The following CNTN4 variants were observed in gnomAD, a reference collection of about 807,000 sequenced individuals.
CNTN4 encodes the protein contactin-4.
Under a neutral mutation model 122.5 loss-of-function variants are expected in CNTN4, and 77 were observed. The ratio of observed to expected loss-of-function variants is 0.63; its 90% CI spans 0.52 to 0.76. The LOEUF (loss-of-function observed/expected upper bound fraction) is 0.76. Ranked by LOEUF, CNTN4 falls within the 30% of genes least tolerant of loss-of-function variation. The pLI, the probability that CNTN4 is intolerant of heterozygous loss-of-function variation, is 0.00. For missense variants in CNTN4, 1,256 were observed against 1,259.1 expected (o/e 1.00, Z 0.04); for synonymous variants, 512 against 447.0 (o/e 1.15, Z -1.83).
Position 2,571,493 on chromosome 3 carries a change from G to C in CNTN4, c.-11G>C, listed in dbSNP as rs758286283. On this transcript the variant is annotated 5_prime_UTR_variant, in exon 4 of 25. Transcript: ENST00000418658. ...TGGACTTGAAACTCCCTTTGACCTC[G>C]GAAACTGAAGATGAGGTTGCCATGG... 1.2e-6 allele frequency: 2 copies of C among 1,610,852 alleles called. No homozygotes were observed. Among genetic ancestry groups the C allele is most frequent in the East Asian group, 4.5e-5 (2 of 44,840 alleles).
chr3:2,135,160 G>A (rs1406186303), intron 2 of CNTN4, among the ~76,000 whole-genome samples: 5 of 152,156 alleles, frequency 3.3e-5, no homozygotes, highest in African/African-American at 9.7e-5. Flanking sequence ...GCAGGGCCAG[G>A]TAGGAGAGCA....
chr3:2,586,978 G>C (rs2080231838), intron 4 of CNTN4, among the ~76,000 whole-genome samples: 1 of 151,916 alleles, frequency 6.6e-6, no homozygotes, highest in Non-Finnish European at 1.5e-5. Context: ...TTATATCTTA[G>C]CTTAGAATAT....
At chr3:2,691,229 T>C (rs1427596301) in intron 4 of CNTN4, among the ~76,000 whole-genome samples, 2 of 152,210 alleles carry the variant, frequency 1.3e-5, no homozygotes, top group Non-Finnish European at 2.9e-5. Flanking sequence ...TTATTAGTTA[T>C]ATTCCTTTAT....
intron 3 of CNTN4, among the ~76,000 whole-genome samples, chr3:2,399,625 C>T (rs1477493215): frequency 1.3e-5 from 2 of 151,858 alleles, no homozygotes; most frequent in East Asian, 1.9e-4. Context: ...AATGAGATAA[C>T]ACATGTAAGA....
chr3:2,243,341 G>T (rs1345036771), intron 2 of CNTN4, among the ~76,000 whole-genome samples: 1 of 152,090 alleles, frequency 6.6e-6, no homozygotes, highest in Non-Finnish European at 1.5e-5. Context: ...AAGACAAGAG[G>T]TTCTGTTAGA....
intron 2 of CNTN4, among the ~76,000 whole-genome samples, chr3:2,125,192 TTATATA>T (rs2034064492): frequency 6.6e-6 from 1 of 152,172 alleles, no homozygotes; most frequent in African/African-American, 2.4e-5. Flanking sequence ...TTTAGATACC[TTATATA>T]AGTAGAATCA....
intron 6 of CNTN4, among the ~76,000 whole-genome samples, chr3:2,765,927 GC>G (rs2090837616): frequency 6.6e-6 from 1 of 152,194 alleles, no homozygotes; most frequent in Non-Finnish European, 1.5e-5. Context: ...CAAATCACCA[GC>G]TTTGAAAATG....
At chr3:2,536,445 A>T (rs182589926) in intron 3 of CNTN4, among the ~76,000 whole-genome samples, 1 of 152,244 alleles carries the variant, frequency 6.6e-6, no homozygotes, top group Admixed American at 6.6e-5. Flanking sequence ...GAAGAGCTTG[A>T]CCTGAAAGTC....
intron 2 of CNTN4, among the ~76,000 whole-genome samples, chr3:2,122,308 A>T (rs1354389651): frequency 6.6e-6 from 1 of 152,104 alleles, no homozygotes; most frequent in Non-Finnish European, 1.5e-5. Context: ...TTTGTTTATC[A>T]TTTCAGAGAT....
chr3:2,371,602 G>A (rs2045635456), intron 3 of CNTN4, among the ~76,000 whole-genome samples: 1 of 152,164 alleles, frequency 6.6e-6, no homozygotes, highest in South Asian at 2.1e-4. Context: ...TGTTGAATGA[G>A]TGGTTGTTTT....
At chr3:2,708,900 T>TATTGTA (rs760350963) in intron 4 of CNTN4, among the ~76,000 whole-genome samples, 1 of 152,244 alleles carries the variant, frequency 6.6e-6, no homozygotes, top group African/African-American at 2.4e-5. Context: ...CTTTGTAAAA[T>TATTGTA]ATTGTAATAA....
At chr3:2,352,067 A>G (rs185366820) in intron 3 of CNTN4, among the ~76,000 whole-genome samples, 100 of 152,312 alleles carry the variant, frequency 6.6e-4, no homozygotes, top group Non-Finnish European at 1.0e-3. Flanking sequence ...TCATAAGTGT[A>G]TACAATTATG....
At chr3:2,830,241 G>C (rs1576971894) in intron 7 of CNTN4, among the ~76,000 whole-genome samples, 1 of 152,120 alleles carries the variant, frequency 6.6e-6, no homozygotes, top group Non-Finnish European at 1.5e-5. Flanking sequence ...CTGTATTTGT[G>C]GATACACAGA....
At chr3:2,352,640 A>C (rs2044678506) in intron 3 of CNTN4, among the ~76,000 whole-genome samples, 4 of 152,196 alleles carry the variant, frequency 2.6e-5, no homozygotes, top group Admixed American at 1.3e-4. Context: ...TGCAGGGCTC[A>C]GGACCTGCAG....
At chr3:2,259,985 C>G (rs1241021152) in intron 2 of CNTN4, among the ~76,000 whole-genome samples, 1 of 152,078 alleles carries the variant, frequency 6.6e-6, no homozygotes, top group Admixed American at 6.6e-5. Flanking sequence ...TTTTTAGTCA[C>G]TGAGCTTTCC....
chr3:2,745,517 T>G lies in CNTN4; in HGVS notation c.183-5T>G. On this transcript the variant is annotated splice_region_variant and splice_polypyrimidine_tract_variant and intron_variant, in intron 5 of 24. Transcript: ENST00000418658. ...ACTTTATCTACTGGCATTTTTATAC[T>G]ATAGGTGGAAGTTAAATGGAACAGA... 1 of 1,612,286 alleles carries G rather than the reference T, an allele frequency of 6.2e-7. No individual in the cohort carries two copies. The highest frequency in any genetic ancestry group is 1.3e-5 in the African/African-American group (1 of 75,024).
intron 3 of CNTN4, among the ~76,000 whole-genome samples, chr3:2,550,333 A>T (rs2078440419): frequency 6.6e-6 from 1 of 152,162 alleles, no homozygotes; most frequent in South Asian, 2.1e-4. Flanking sequence ...TATGCGGCCA[A>T]CAAACATATG....
At position 2,845,874 on chromosome 3, in the gene CNTN4, T is replaced by A. The variant is rs7648070; in HGVS notation, c.455-20878T>A. Among the ~76,000 whole-genome samples the A allele has an allele frequency of 3.3e-3, 504 of 152,328 alleles. 2 individuals are homozygous for A. Among genetic ancestry groups the A allele is most frequent in the African/African-American group, 0.012 (480 of 41,572 alleles). On this transcript the variant is annotated intron_variant, in intron 7 of 24. Coordinates refer to ENST00000418658, the MANE Select transcript of CNTN4 (RefSeq NM_175607.3). ...TCTTCTCCTATACATCTCATTTAGA[T>A]CTTTCATAACTTGGCTTTTTCAAAA...
At chr3:2,778,354 A>G (rs964544007) in intron 6 of CNTN4, among the ~76,000 whole-genome samples, 1 of 31,424 alleles carries the variant, frequency 3.2e-5, no homozygotes, top group Non-Finnish European at 1.4e-4. Flanking sequence ...GGTAAATTAC[A>G]GAATAGTATT....
Sources: allele counts gnomAD v4.1 joint callset (sites outside exome capture counted in the v4.1 genomes callset), GRCh38; gene constraint gnomAD v4.1.1; transcripts MANE v1.5; gene names NCBI Gene and HGNC (gene_info 2026-07-23, HGNC 2026-07-21).